FANCI: variants seen among roughly 807,000 people sequenced by gnomAD.
FANCI encodes the protein Fanconi anemia group I protein.
Under a neutral mutation model 176.1 loss-of-function variants are expected in FANCI, and 156 were observed. The observed-to-expected ratio is 0.89, with a 90% confidence interval of 0.78 to 1.01. FANCI has a LOEUF of 1.01. FANCI is among the 50% of genes least tolerant of loss of function. The pLI is 0.00. For missense variants in FANCI, 1,678 were observed against 1,534.1 expected (o/e 1.09, Z -1.57); for synonymous variants, 613 against 541.7 (o/e 1.13, Z -1.83).
intron 9 of FANCI, among the ~76,000 whole-genome samples, chr15:89,266,319 G>A (rs1028357025): frequency 6.7e-6 from 1 of 149,792 alleles, no homozygotes; most frequent in African/African-American, 2.5e-5. Context: ...CCACCACTAT[G>A]CCTGGCTAAT....
intron 10 of FANCI, among the ~76,000 whole-genome samples, chr15:89,270,072 A>G (rs2053140204): frequency 1.3e-5 from 2 of 152,008 alleles, no homozygotes; most frequent in Non-Finnish European, 1.5e-5. Flanking sequence ...TGGCCTCCCA[A>G]AGTGCTGAGA....
chr15:89,289,802 T>C (rs1363722552), intron 18 of FANCI, among the ~76,000 whole-genome samples: 3 of 151,904 alleles, frequency 2.0e-5, no homozygotes, highest in Non-Finnish European at 4.4e-5. Flanking sequence ...GCAACCTTCA[T>C]ACCTCAGCCT....
chr15:89,309,290 G>A (rs181251905), intron 34 of FANCI, among the ~76,000 whole-genome samples: 268 of 152,072 alleles, frequency 1.8e-3, no homozygotes, highest in Admixed American at 3.5e-3. Context: ...TCCCATATTT[G>A]GGTTTTGAGT....
intron 37 of FANCI, 69 bp downstream of exon 37, chr15:89,315,458 TCA>T (rs1423796106): frequency 9.1e-7 from 1 of 1,096,436 alleles, no homozygotes; most frequent in Non-Finnish European, 1.4e-6. Flanking sequence ...CTGGGAGCAG[TCA>T]CAGATTAGTG....
intron 1 of FANCI, among the ~76,000 whole-genome samples, chr15:89,247,064 G>A (rs868739596): frequency 1.6e-4 from 24 of 148,514 alleles, no homozygotes; most frequent in Middle Eastern, 3.5e-3. Context: ...CCACGGTGCC[G>A]GCCTCTTTTT....
chr15:89,281,867 C>T (rs377313152), intron 16 of FANCI, 32 bp downstream of exon 16: 100 of 1,593,372 alleles, frequency 6.3e-5, no homozygotes, highest in African/African-American at 5.1e-4. Flanking sequence ...CATAGGAAGA[C>T]GTTGTCTTCT....
At position 89,315,405 on chromosome 15, in the gene FANCI, T is replaced by C. The variant is rs1260139637; in HGVS notation, c.3924+16T>C. 6.5e-7 allele frequency: 1 copy of C among 1,547,104 alleles called. No homozygotes were observed. The highest frequency in any genetic ancestry group is 1.4e-5 in the African/African-American group (1 of 73,762). ...AAATGAAGAGGTCAGTGCTGGCTTC[T>C]GTCTGGAGCCCAGCCACTCTTCCTA... On this transcript the variant is annotated intron_variant, in intron 37 of 37. Coordinates refer to ENST00000310775, the MANE Select transcript of FANCI (RefSeq NM_001113378.2).
chr15:89,245,665 C>A (rs2051932449), intron 1 of FANCI: 1 of 152,212 alleles, frequency 6.6e-6, no homozygotes, highest in East Asian at 1.9e-4. Context: ...ATTTGAAGGA[C>A]TGGAAGCAAT....
At chr15:89,284,949 TG>T in intron 17 of FANCI, 146 bp from the exon 18 acceptor site, 1 of 835,622 alleles carries the variant, frequency 1.2e-6, no homozygotes, top group Non-Finnish European at 2.1e-6. Context: ...TACTACTGCA[TG>T]GTAATGATTA....
intron 2 of FANCI, among the ~76,000 whole-genome samples, chr15:89,253,493 A>C (rs1243318074): frequency 2.6e-5 from 4 of 151,918 alleles, no homozygotes; most frequent in Admixed American, 2.6e-4. Context: ...AACGGGTGAA[A>C]GTGAGACTCT....
At chr15:89,314,166 C>T (rs1194903407) in intron 35 of FANCI, among the ~76,000 whole-genome samples, 3 of 121,146 alleles carry the variant, frequency 2.5e-5, no homozygotes, top group South Asian at 2.8e-4. Context: ...TAGGACCTTT[C>T]GTTAGGGGGA....
In FANCI at chr15:89,303,896, T is replaced by A; in HGVS notation, c.3039T>A (p.Ile1013=). The part of the protein sequence containing the change: ...FVQMLSWTSK[I]CKENSREDAL... ...AGATGTTATCCTGGACATCAAAGAT[T>A]TGCAAGGAAAACAGCCGGGGTAAGT... The change falls in exon 28 of 38, where the codon ATT becomes ATA. Residue 1013 remains isoleucine (I), a synonymous_variant. Coordinates refer to ENST00000310775, the MANE Select transcript of FANCI (RefSeq NM_001113378.2). The A allele has an allele frequency of 6.2e-7, 1 of 1,614,102 alleles. No individual in the cohort carries two copies.
At chr15:89,301,544 A>T in intron 27 of FANCI, 102 bp downstream of exon 27, 1 of 852,586 alleles carries the variant, frequency 1.2e-6, no homozygotes, top group East Asian at 2.4e-5. Context: ...AATTGAGCTT[A>T]TTTTACATAA....
chr15:89,315,151 G>A (rs1392230121), intron 36 of FANCI, 131 bp from the exon 37 acceptor site: 2 of 734,766 alleles, frequency 2.7e-6, no homozygotes, highest in Non-Finnish European at 4.9e-6. Context: ...CCAGCATACA[G>A]AAGGAAGTGG....
At chr15:89,317,167 G>A, downstream of FANCI, 1 of 616,972 alleles carries the variant, frequency 1.6e-6, no homozygotes, top group Admixed American at 2.7e-5. Context: ...GGTACAGGTA[G>A]AATATTTGAA....
chr15:89,292,574 C>A, intron 20 of FANCI, 114 bp from the exon 21 acceptor site: 1 of 1,045,738 alleles, frequency 9.6e-7, no homozygotes. Context: ...TTTGTAACGC[C>A]AATGAATCAT....
chr15:89,313,964 GATAT>G (rs1314249027), intron 35 of FANCI, among the ~76,000 whole-genome samples: 2 of 129,332 alleles, frequency 1.5e-5, no homozygotes, highest in African/African-American at 3.2e-5. Flanking sequence ...TAGGGGGAAA[GATAT>G]ATAATCACAC....
chr15:89,251,906 G>A (rs1165142491), intron 2 of FANCI, among the ~76,000 whole-genome samples: 1 of 152,092 alleles, frequency 6.6e-6, no homozygotes, highest in Non-Finnish European at 1.5e-5. Context: ...CTCTAAGGCC[G>A]GGAACAAAGC....
Position 89,301,349 on chromosome 15 carries a change from C to T in FANCI, c.2913C>T (p.Ser971=). ...QFQRSLLNLL[S]SQEEDFNSKE... ...AGAGGTCCTTGTTGAATTTACTTAG[C>T]AGTCAAGAGGAAGATTTTAATAGCA... The change falls in exon 27 of 38, where the codon AGC becomes AGT. Residue 971 remains serine (S), a synonymous_variant. Coordinates refer to ENST00000310775, the MANE Select transcript of FANCI (RefSeq NM_001113378.2). The T allele has an allele frequency of 2.5e-6, 4 of 1,613,692 alleles. No individual in the cohort carries two copies. Among genetic ancestry groups the T allele is most frequent in the Non-Finnish European group, 3.4e-6 (4 of 1,179,670 alleles).
Sources: allele counts gnomAD v4.1 joint callset (sites outside exome capture counted in the v4.1 genomes callset), GRCh38; gene constraint gnomAD v4.1.1; transcripts MANE v1.5; gene names NCBI Gene and HGNC (gene_info 2026-07-23, HGNC 2026-07-21).